The following PLXNA4 variants were observed in gnomAD, a reference collection of about 807,000 sequenced individuals.
PLXNA4 encodes plexin-A4.
In PLXNA4, 44 loss-of-function variants were observed where a neutral mutation model predicts 191.8. The observed-to-expected ratio is 0.23, with a 90% confidence interval of 0.18 to 0.29. The LOEUF is 0.29. Ranked by LOEUF, PLXNA4 falls within the 10% of genes least tolerant of loss-of-function variation. The pLI, the probability that PLXNA4 is intolerant of heterozygous loss-of-function variation, is 1.00. For missense variants in PLXNA4, 1,800 were observed against 2,488.8 expected (o/e 0.72, Z 5.89); for synonymous variants, 1,082 against 1,009.5 (o/e 1.07, Z -1.36).
At chr7:132,409,412 A>G (rs1794360176) in intron 3 of PLXNA4, among the ~76,000 whole-genome samples, 1 of 152,114 alleles carries the variant, frequency 6.6e-6, no homozygotes, top group Non-Finnish European at 1.5e-5. Context: ...CGTTATGAGC[A>G]TGGGGCACCT....
At chr7:132,449,646 A>T (rs1327589971) in intron 3 of PLXNA4, among the ~76,000 whole-genome samples, 3 of 152,200 alleles carry the variant, frequency 2.0e-5, no homozygotes, top group African/African-American at 7.2e-5. Context: ...ACTGTCACAC[A>T]TGACTGCCAC....
intron 3 of PLXNA4, among the ~76,000 whole-genome samples, chr7:132,450,042 A>G (rs1355719312): frequency 1.3e-5 from 2 of 152,020 alleles, no homozygotes; most frequent in Non-Finnish European, 2.9e-5. Context: ...CCTGTTTTTC[A>G]TTTCTCGAGT....
intron 4 of PLXNA4, among the ~76,000 whole-genome samples, chr7:132,265,610 GT>G (rs1184328267): frequency 6.6e-6 from 1 of 152,186 alleles, no homozygotes; most frequent in Non-Finnish European, 1.5e-5. Flanking sequence ...GATCAGTGGG[GT>G]CCTTCCTAGG....
intron 1 of PLXNA4, among the ~76,000 whole-genome samples, chr7:132,513,125 G>T (rs966394934): frequency 6.6e-6 from 1 of 152,172 alleles, no homozygotes; most frequent in Non-Finnish European, 1.5e-5. Flanking sequence ...TATAGAAGCT[G>T]ATCATCATTT....
intron 4 of PLXNA4, among the ~76,000 whole-genome samples, chr7:132,272,811 C>T (rs937278818): frequency 3.9e-5 from 6 of 152,178 alleles, no homozygotes; most frequent in Non-Finnish European, 8.8e-5. Context: ...GTTTTCTCAG[C>T]AAAATCCTAT....
chr7:132,613,902 T>A (rs1000907419), intron 2 of PLXNA4, among the ~76,000 whole-genome samples: 2 of 152,228 alleles, frequency 1.3e-5, no homozygotes, highest in Non-Finnish European at 2.9e-5. Flanking sequence ...GCAGGTTACT[T>A]CTGCCTGTGG....
At chr7:132,643,560 A>C (rs1406770667) in intron 2 of PLXNA4, among the ~76,000 whole-genome samples, 1 of 152,134 alleles carries the variant, frequency 6.6e-6, no homozygotes, top group Non-Finnish European at 1.5e-5. Context: ...GGTTAAAATG[A>C]CTTTCACAGG....
chr7:132,185,519 C>T (rs2198052), intron 15 of PLXNA4, 56 bp from the exon 16 acceptor site: 1 of 1,561,744 alleles, frequency 6.4e-7, no homozygotes, highest in Non-Finnish European at 8.7e-7. Context: ...GACAGAGGTC[C>T]TGAGTCAAGG....
intron 3 of PLXNA4, among the ~76,000 whole-genome samples, chr7:132,375,802 C>G (rs1041531217): frequency 1.3e-5 from 2 of 152,168 alleles, no homozygotes; most frequent in Admixed American, 1.3e-4. Flanking sequence ...GGGTGGGAAA[C>G]AGCATGGCAT....
chr7:132,639,432 A>G (rs538619276), intron 2 of PLXNA4, among the ~76,000 whole-genome samples: 2 of 152,298 alleles, frequency 1.3e-5, no homozygotes, highest in South Asian at 4.2e-4. Flanking sequence ...CACTGACATC[A>G]TTGTGTGTAT....
rs1031330033 is a variant in PLXNA4, at chr7:132,226,059, G to T, written c.1982+102C>A. The stretch of plus-strand genomic sequence containing the variant: ...GGGAGTGAAGGAGGCCTCCTCTGGG[G>T]CTTCTAAATGGTGACTCCCTGGGAA... On this transcript the variant is annotated intron_variant, in intron 8 of 31. Coordinates refer to ENST00000321063, the MANE Select transcript of PLXNA4 (RefSeq NM_020911.2). 3.4e-5 allele frequency: 37 copies of T among 1,097,548 alleles called. No individual in the cohort carries two copies. The Admixed American group carries it at 6.6e-4, about 20-fold the overall frequency. The allele number at this position is 1,097,548 out of a possible 1,614,324, so 68.0% of individuals were successfully genotyped here. A position where few individuals can be genotyped will look rare whatever the true frequency, so the allele number is the denominator to read the frequency against.
At chr7:132,290,364 T>A (rs947499826) in intron 4 of PLXNA4, among the ~76,000 whole-genome samples, 2 of 152,206 alleles carry the variant, frequency 1.3e-5, no homozygotes, top group Admixed American at 1.3e-4. Flanking sequence ...TCGCCTTGTC[T>A]GGGGGACAGC....
At position 132,529,786 on chromosome 7, in the gene PLXNA4, T is replaced by C. The variant is rs528660989; in HGVS notation, c.-86-21007A>G. On this transcript the variant is annotated intron_variant, in intron 1 of 31. Transcript: ENST00000321063. ...ATGCCCGGCTAATTTTTTGTATTTT[T>C]AGTAGAGACGGGGTTTCACCATGTT... Among the ~76,000 whole-genome samples, 19 of 152,198 alleles carry C rather than the reference T, an allele frequency of 1.2e-4. No individual in the cohort carries two copies. The South Asian group carries it at 3.7e-3, about 30-fold the overall frequency.
chr7:132,144,677 T>C (rs1451292673), intron 29 of PLXNA4, among the ~76,000 whole-genome samples: 1 of 152,214 alleles, frequency 6.6e-6, no homozygotes, highest in Admixed American at 6.5e-5. Context: ...CCATAGCATT[T>C]GTCCCACACC....
intron 3 of PLXNA4, among the ~76,000 whole-genome samples, chr7:132,416,989 TAA>T (rs896243279): frequency 6.8e-6 from 1 of 146,280 alleles, no homozygotes; most frequent in Non-Finnish European, 1.5e-5. Context: ...AGATTCTAGT[TAA>T]AAAAAAAAAG....
At chr7:132,291,627 C>T (rs1474974156) in intron 4 of PLXNA4, among the ~76,000 whole-genome samples, 1 of 152,166 alleles carries the variant, frequency 6.6e-6, no homozygotes, top group Non-Finnish European at 1.5e-5. Context: ...CATGTGTACA[C>T]ACACACACAC....
intron 1 of PLXNA4, among the ~76,000 whole-genome samples, chr7:132,522,855 G>T (rs1799245252): frequency 6.6e-6 from 1 of 152,190 alleles, no homozygotes; most frequent in Non-Finnish European, 1.5e-5. Context: ...AGGGAAATTT[G>T]TCTAGAAGGC....
At chr7:132,317,217 T>C (rs1801976838) in intron 3 of PLXNA4, among the ~76,000 whole-genome samples, 1 of 151,430 alleles carries the variant, frequency 6.6e-6, no homozygotes, top group Non-Finnish European at 1.5e-5. Context: ...TGTTGGGTTG[T>C]GTGTGCTGTG....
chr7:132,211,543 C>T (rs1252202520), intron 9 of PLXNA4, among the ~76,000 whole-genome samples: 2 of 152,216 alleles, frequency 1.3e-5, no homozygotes, highest in African/African-American at 4.8e-5. Context: ...AATTGGGATG[C>T]ACAGACCATG....
Sources: allele counts gnomAD v4.1 joint callset (sites outside exome capture counted in the v4.1 genomes callset), GRCh38; gene constraint gnomAD v4.1.1; transcripts MANE v1.5; gene names NCBI Gene and HGNC (gene_info 2026-07-23, HGNC 2026-07-21).